IL1RAPL2: variants seen among roughly 807,000 people sequenced by gnomAD.
IL1RAPL2 encodes interleukin 1 receptor accessory protein like 2.
IL1RAPL2 carries 3 observed loss-of-function variants against 44.1 expected under a neutral mutation model. The observed-to-expected ratio is 0.07, with a 90% CI of 0.03 to 0.18. IL1RAPL2 has a LOEUF of 0.18. Ranked by LOEUF, IL1RAPL2 falls within the 10% of genes least tolerant of loss-of-function variation. The probability of loss-of-function intolerance (pLI) is 1.00; values close to 1 mark genes in which losing one functional copy is unlikely to be tolerated. For synonymous variants in IL1RAPL2, 181 were observed against 178.8 expected (o/e 1.01, Z -0.10); for missense variants, 391 against 496.4 (o/e 0.79, Z 2.02).
chrX:104,990,085 T>A (rs1239923229), intron 2 of IL1RAPL2, among the ~76,000 whole-genome samples: 2 of 111,964 alleles, frequency 1.8e-5, no homozygotes, highest in East Asian at 5.6e-4. Flanking sequence ...TGTTCTGTAC[T>A]AGATGTTGTT....
chrX:105,579,776 A>G (rs2037075622), intron 6 of IL1RAPL2, among the ~76,000 whole-genome samples: 1 of 111,877 alleles, frequency 8.9e-6, no homozygotes, highest in Admixed American at 9.6e-5. Context: ...TCTATATAAT[A>G]CCACCTATTA....
chrX:105,142,897 G>C (rs990835949), intron 2 of IL1RAPL2, among the ~76,000 whole-genome samples: 2 of 109,890 alleles, frequency 1.8e-5, no homozygotes, highest in African/African-American at 3.3e-5. Flanking sequence ...TTGTCCTTGC[G>C]ATAGTTTGCT....
At chrX:105,332,216 A>G (rs2058148684) in intron 5 of IL1RAPL2, among the ~76,000 whole-genome samples, 3 of 110,499 alleles carry the variant, frequency 2.7e-5, no homozygotes, top group Non-Finnish European at 5.7e-5. Flanking sequence ...AGATGCTCAT[A>G]AATATTTCAA....
chrX:105,385,497 A>G (rs1056169030), intron 5 of IL1RAPL2, among the ~76,000 whole-genome samples: 30 of 111,006 alleles, frequency 2.7e-4, no homozygotes, highest in African/African-American at 9.1e-4. Flanking sequence ...AACATAGTAC[A>G]TCATACCATA....
chrX:105,630,651 A>T (rs1266911499), intron 6 of IL1RAPL2, among the ~76,000 whole-genome samples: 1 of 110,663 alleles, frequency 9.0e-6, no homozygotes, highest in Admixed American at 9.7e-5. Context: ...TGGATTATTC[A>T]TCTGGGTGTT....
intron 2 of IL1RAPL2, among the ~76,000 whole-genome samples, chrX:104,732,966 G>A (rs1485903946): frequency 9.0e-6 from 1 of 110,880 alleles, no homozygotes; most frequent in Non-Finnish European, 1.9e-5. Context: ...ATTTAAGAAT[G>A]GTTTAACTTT....
At chrX:104,972,496 A>G (rs1005853832) in intron 2 of IL1RAPL2, among the ~76,000 whole-genome samples, 1 of 111,575 alleles carries the variant, frequency 9.0e-6, no homozygotes, top group Non-Finnish European at 1.9e-5. Context: ...ATTAGTTAGG[A>G]GATCTGGAGA....
chrX:105,476,824 G>A (rs1185533679), intron 5 of IL1RAPL2, among the ~76,000 whole-genome samples: 1 of 111,921 alleles, frequency 8.9e-6, no homozygotes, highest in East Asian at 2.8e-4. Flanking sequence ...TCATAGTAAT[G>A]CTGGTTAGAA....
intron 5 of IL1RAPL2, among the ~76,000 whole-genome samples, chrX:105,374,734 G>T (rs1375242450): frequency 9.1e-6 from 1 of 109,991 alleles, no homozygotes; most frequent in East Asian, 2.9e-4. Context: ...GGATCACGAG[G>T]TCAGGAGATC....
chrX:104,650,593 A>AT (rs1249768589), intron 1 of IL1RAPL2, among the ~76,000 whole-genome samples: 1 of 110,915 alleles, frequency 9.0e-6, no homozygotes, highest in Non-Finnish European at 1.9e-5. Context: ...AGTTTGACAG[A>AT]TTTTCCCTTT....
chrX:104,858,885 C>T (rs1044095258), intron 2 of IL1RAPL2, among the ~76,000 whole-genome samples: 3 of 111,583 alleles, frequency 2.7e-5, no homozygotes, highest in African/African-American at 9.7e-5. Flanking sequence ...TAAGAAGAGT[C>T]ATTCTTTAGC....
chrX:104,870,559 A>G lies in IL1RAPL2; in HGVS notation c.82+211564A>G, dbSNP rs186120802. On this transcript the variant is annotated intron_variant, in intron 2 of 10. Transcript: ENST00000372582. ...AGCATAAATCAGGCAAGTGGGATCT[A>G]ATTCAGGTTTTGGGTGACTCTGAAG... Among the ~76,000 whole-genome samples, 619 of 111,988 alleles carry G rather than the reference A, an allele frequency of 5.5e-3. 2 individuals carry two copies. Among genetic ancestry groups the G allele is most frequent in the African/African-American group, 0.018 (554 of 30,934 alleles).
intron 1 of IL1RAPL2, among the ~76,000 whole-genome samples, chrX:104,611,017 C>T (rs965179888): frequency 1.8e-5 from 2 of 111,467 alleles, no homozygotes; most frequent in African/African-American, 6.5e-5. Context: ...GCTGCCTGAT[C>T]CTTCCTCTGG....
At chrX:104,752,857 C>T (rs116482317) in intron 2 of IL1RAPL2, among the ~76,000 whole-genome samples, 2,032 of 109,875 alleles carry the variant, frequency 0.018, 52 homozygotes, top group African/African-American at 0.063. Flanking sequence ...GGGGGGAATG[C>T]TTGTGTTCTA....
chrX:105,054,555 G>A (rs921286330), intron 2 of IL1RAPL2, among the ~76,000 whole-genome samples: 1 of 111,622 alleles, frequency 9.0e-6, no homozygotes, highest in African/African-American at 3.3e-5. Context: ...CCAGTAGCTG[G>A]GACTACATGT....
intron 2 of IL1RAPL2, among the ~76,000 whole-genome samples, chrX:104,866,961 C>T (rs1337352080): frequency 1.8e-5 from 2 of 110,863 alleles, no homozygotes; most frequent in East Asian, 5.7e-4. Context: ...TTTGTAAACA[C>T]TACCCAAGAA....
rs925099281 is a variant in IL1RAPL2, at chrX:105,727,487, G to A, written c.902+9991G>A. Among the ~76,000 whole-genome samples the A allele has an allele frequency of 5.4e-5, 6 of 111,362 alleles. No homozygotes were observed. In the Admixed American group the frequency reaches 5.8e-4, roughly 11 times the overall value. ...AGAGCAGATTGCTGTTTACAAATAAGTACTTTTTGATAATGAGGACAGCAG... is the reference window on the plus strand; with the variant it reads ...AGAGCAGATTGCTGTTTACAAATAAATACTTTTTGATAATGAGGACAGCAG... On this transcript the variant is annotated intron_variant, in intron 7 of 10. Coordinates refer to ENST00000372582, the MANE Select transcript of IL1RAPL2 (RefSeq NM_017416.2).
At chrX:105,216,585 T>C (rs2033860180) in intron 3 of IL1RAPL2, among the ~76,000 whole-genome samples, 1 of 107,223 alleles carries the variant, frequency 9.3e-6, no homozygotes, top group African/African-American at 3.5e-5. Context: ...TTCACTGAAT[T>C]AGAAAAAAAA....
At chrX:105,721,037 A>G (rs1056824391) in intron 7 of IL1RAPL2, among the ~76,000 whole-genome samples, 2 of 111,408 alleles carry the variant, frequency 1.8e-5, no homozygotes, top group Admixed American at 1.9e-4. Flanking sequence ...ATAATCGTCC[A>G]AACTGGAAAC....
Sources: gnomAD v4.1 joint callset for allele counts (sites outside exome capture counted in the v4.1 genomes callset) on GRCh38, gnomAD v4.1.1 for gene constraint, MANE v1.5 for transcripts, NCBI Gene and HGNC (gene_info 2026-07-23, HGNC 2026-07-21) for gene names.